FRMD4A: variants seen among roughly 807,000 people sequenced by gnomAD.
FRMD4A encodes FERM domain-containing protein 4A.
FRMD4A carries 29 observed loss-of-function variants against 129.1 expected under a neutral mutation model. That is an observed-to-expected ratio of 0.22 (90% CI 0.17 to 0.31). FRMD4A has a LOEUF of 0.31. Among genes scored for constraint, FRMD4A ranks in the 10% least tolerant of loss-of-function variants. FRMD4A has a pLI of 1.00. For missense variants in FRMD4A, 1,272 were observed against 1,375.8 expected (o/e 0.92, Z 1.19); for synonymous variants, 634 against 571.6 (o/e 1.11, Z -1.56).
intron 2 of FRMD4A, among the ~76,000 whole-genome samples, chr10:14,149,190 T>G (rs985380658): frequency 5.9e-5 from 9 of 152,228 alleles, no homozygotes; most frequent in Admixed American, 5.9e-4. Flanking sequence ...TATGTAAGTA[T>G]TTCCATGAAA....
intron 2 of FRMD4A, among the ~76,000 whole-genome samples, chr10:14,090,393 C>T (rs918215463): frequency 2.0e-5 from 3 of 152,162 alleles, no homozygotes; most frequent in African/African-American, 7.2e-5. Context: ...AAGGCAGACG[C>T]TGTAAAAGGA....
chr10:13,833,835 T>C (rs55938645), intron 3 of FRMD4A, among the ~76,000 whole-genome samples: 15,477 of 152,076 alleles, frequency 0.1, 1,105 homozygotes, highest in Non-Finnish European at 0.16. Context: ...GGCTATGACA[T>C]AGTGGAGCTG....
intron 15 of FRMD4A, chr10:13,685,719 G>A: frequency 1.3e-6 from 1 of 779,738 alleles, no homozygotes; most frequent in Non-Finnish European, 1.6e-6. Context: ...GAGGCAGGAG[G>A]ATCGCTTAAG....
intron 2 of FRMD4A, among the ~76,000 whole-genome samples, chr10:14,185,507 T>G (rs567036899): frequency 1.3e-5 from 2 of 152,154 alleles, no homozygotes; most frequent in Admixed American, 6.5e-5. Flanking sequence ...CTTCAAGTAT[T>G]TTTTGGAGGT....
At chr10:14,080,210 C>A (rs1040942429) in intron 2 of FRMD4A, among the ~76,000 whole-genome samples, 1 of 152,128 alleles carries the variant, frequency 6.6e-6, no homozygotes, top group African/African-American at 2.4e-5. Context: ...CACAAAGGCC[C>A]CCACTCTAGC....
At chr10:13,903,565 C>CA (rs965276388) in intron 2 of FRMD4A, among the ~76,000 whole-genome samples, 2 of 149,766 alleles carry the variant, frequency 1.3e-5, no homozygotes, top group East Asian at 3.9e-4. Flanking sequence ...TCCAACTCTA[C>CA]AAAAAATGTT....
At chr10:13,862,364 G>T (rs1163083149) in intron 2 of FRMD4A, among the ~76,000 whole-genome samples, 1 of 152,062 alleles carries the variant, frequency 6.6e-6, no homozygotes, top group Admixed American at 6.6e-5. Context: ...TCATTTTCTC[G>T]AAATATTTCC....
intron 2 of FRMD4A, among the ~76,000 whole-genome samples, chr10:13,888,502 G>C (rs1273006368): frequency 1.3e-5 from 2 of 152,136 alleles, no homozygotes; most frequent in Non-Finnish European, 2.9e-5. Flanking sequence ...AGGGCACATG[G>C]GCCTGAGTTA....
chr10:13,960,557 A>G (rs2095440131), intron 2 of FRMD4A, among the ~76,000 whole-genome samples: 1 of 152,242 alleles, frequency 6.6e-6, no homozygotes, highest in Non-Finnish European at 1.5e-5. Flanking sequence ...TTGCCATTTT[A>G]TAGATGAGAG....
chr10:13,897,995 G>T (rs1564997102), intron 2 of FRMD4A, among the ~76,000 whole-genome samples: 1 of 151,004 alleles, frequency 6.6e-6, no homozygotes, highest in Non-Finnish European at 1.5e-5. Flanking sequence ...GGATCCTGGA[G>T]TTCAGTTAAG....
chr10:14,221,995 T>TACA (rs1843278067), intron 2 of FRMD4A, among the ~76,000 whole-genome samples: 1 of 152,218 alleles, frequency 6.6e-6, no homozygotes, highest in Admixed American at 6.5e-5. Flanking sequence ...TTACTTCTTG[T>TACA]AGGTTTTGCG....
At chr10:13,782,148 TA>T (rs5783346) in intron 6 of FRMD4A, among the ~76,000 whole-genome samples, 55,255 of 150,432 alleles carry the variant, frequency 0.37, 10,202 homozygotes, top group Middle Eastern at 0.42. Context: ...CAATTTTTTT[TA>T]AAAAAGAAAC....
At chr10:14,035,685 C>T (rs1833465151) in intron 2 of FRMD4A, among the ~76,000 whole-genome samples, 2 of 152,112 alleles carry the variant, frequency 1.3e-5, no homozygotes, top group Admixed American at 1.3e-4. Context: ...CAAGAGGATC[C>T]CAGCCTCGAT....
At chr10:14,301,030 C>T (rs1846167995) in intron 2 of FRMD4A, among the ~76,000 whole-genome samples, 1 of 152,186 alleles carries the variant, frequency 6.6e-6, no homozygotes, top group African/African-American at 2.4e-5. Flanking sequence ...AAAGGTCAGT[C>T]AGGTGAGAAG....
intron 2 of FRMD4A, among the ~76,000 whole-genome samples, chr10:14,306,070 A>C (rs1289839518): frequency 2.0e-5 from 3 of 152,196 alleles, no homozygotes; most frequent in Non-Finnish European, 2.9e-5. Flanking sequence ...GCAGCAAAGC[A>C]CCACGGCACA....
At chr10:13,669,061 T>A (rs1306668973) in intron 17 of FRMD4A, among the ~76,000 whole-genome samples, 1 of 53,988 alleles carries the variant, frequency 1.9e-5, no homozygotes, top group Non-Finnish European at 4.0e-5. Flanking sequence ...GCTTTAGTTT[T>A]TTTTTTTTTT....
intron 2 of FRMD4A, among the ~76,000 whole-genome samples, chr10:14,122,032 A>C (rs910953168): frequency 6.6e-6 from 1 of 152,202 alleles, no homozygotes; most frequent in African/African-American, 2.4e-5. Context: ...ACACTATTAG[A>C]AAGTGCACCT....
intron 22 of FRMD4A, 139 bp from the exon 23 acceptor site, chr10:13,654,651 AG>A: frequency 1.6e-6 from 1 of 623,054 alleles, no homozygotes; most frequent in Non-Finnish European, 2.9e-6. Context: ...ACCCCAGAGC[AG>A]GGTCTCAGCA....
At chr10:14,164,659 A>G (rs545686834) in intron 2 of FRMD4A, among the ~76,000 whole-genome samples, 4 of 152,280 alleles carry the variant, frequency 2.6e-5, no homozygotes, top group Non-Finnish European at 5.9e-5. Context: ...TGGTAGGTTC[A>G]AAGCCCTGAT....
Sources: allele counts gnomAD v4.1 joint callset (sites outside exome capture counted in the v4.1 genomes callset), GRCh38; gene constraint gnomAD v4.1.1; transcripts MANE v1.5; gene names NCBI Gene and HGNC (gene_info 2026-07-23, HGNC 2026-07-21).